MPP7: variants seen among roughly 807,000 people sequenced by gnomAD.
MPP7 encodes the protein MAGUK p55 scaffold protein 7.
In MPP7, 60 loss-of-function variants were observed where a neutral mutation model predicts 76.5. That is an observed-to-expected ratio of 0.78 (90% CI 0.64 to 0.97). The LOEUF (loss-of-function observed/expected upper bound fraction) is 0.97. MPP7 is among the 50% of genes least tolerant of loss of function. The pLI is 0.00. For missense variants in MPP7, 641 were observed against 694.0 expected, an observed-to-expected ratio of 0.92 and a Z score of 0.86; for synonymous variants, 237 against 244.5, an observed-to-expected ratio of 0.97 and a Z score of 0.29.
chr10:28,052,743 T>C lies in MPP7; in HGVS notation c.*1322A>G, dbSNP rs746632236. On this transcript the variant is annotated 3_prime_UTR_variant, in exon 17 of 17. Coordinates refer to ENST00000683449, the MANE Select transcript of MPP7 (RefSeq NM_001318170.2). ...TTACTACATTCTATTTTTTTTCACA[T>C]GACATTTAAACTCTCTTTACAAATC... 2.4e-4 allele frequency: 36 copies of C among 152,190 alleles called. No individual in the cohort carries two copies. The highest frequency in any genetic ancestry group is 4.6e-4 in the Non-Finnish European group (31 of 68,032). The allele number at this position is 152,190 out of a possible 1,614,324, so 9.4% of individuals were successfully genotyped here. A position where few individuals can be genotyped will look rare whatever the true frequency, so the allele number is the denominator to read the frequency against.
intron 12 of MPP7, among the ~76,000 whole-genome samples, chr10:28,084,219 A>G (rs1040746296): frequency 1.3e-4 from 20 of 152,252 alleles, no homozygotes; most frequent in Non-Finnish European, 2.6e-4. Flanking sequence ...TACATGAGAA[A>G]GCACAAAACT....
At chr10:28,321,401 A>T (rs1411624521) in intron 2 of MPP7, among the ~76,000 whole-genome samples, 1 of 152,070 alleles carries the variant, frequency 6.6e-6, no homozygotes, top group Non-Finnish European at 1.5e-5. Context: ...ACATCATGGG[A>T]TGGATGTTAT....
At chr10:28,124,700 G>A (rs144854143) in intron 7 of MPP7, among the ~76,000 whole-genome samples, 2 of 151,384 alleles carry the variant, frequency 1.3e-5, no homozygotes, top group African/African-American at 2.4e-5. Flanking sequence ...AGCCAGGATG[G>A]TATTGATCTC....
At chr10:28,095,112 TTTAC>T (rs531238596) in intron 11 of MPP7, among the ~76,000 whole-genome samples, 27 of 151,626 alleles carry the variant, frequency 1.8e-4, no homozygotes, top group Admixed American at 1.2e-3. Flanking sequence ...GGTCTTACTT[TTTAC>T]TTACTCCCCT....
chr10:28,192,874 T>C (rs1837454791), intron 3 of MPP7, among the ~76,000 whole-genome samples: 1 of 152,066 alleles, frequency 6.6e-6, no homozygotes, highest in Non-Finnish European at 1.5e-5. Flanking sequence ...AAACTAACTA[T>C]AAAGCTAAGG....
At position 28,147,299 on chromosome 10, in the gene MPP7, G is replaced by A. The variant is rs370320558; in HGVS notation, c.315+184C>T. ...AGCTTCCCAATAAGAGTATTTTGCA[G>A]TTTCTCATCACATTATAATCAAAAG... On this transcript the variant is annotated intron_variant, in intron 5 of 16. Transcript: ENST00000683449. Among the ~76,000 whole-genome samples, 5 of 152,298 alleles carry A rather than the reference G, an allele frequency of 3.3e-5. No individual in the cohort carries two copies. The East Asian group carries it at 7.7e-4, about 24-fold the overall frequency.
chr10:28,062,157 A>AG, intron 13 of MPP7, among the ~76,000 whole-genome samples: 1 of 152,204 alleles, frequency 6.6e-6, no homozygotes, highest in Non-Finnish European at 1.5e-5. Context: ...AAGAAAAGTT[A>AG]TAATATTGTC....
At chr10:28,091,759 T>G (rs1196088553) in intron 11 of MPP7, among the ~76,000 whole-genome samples, 1 of 152,224 alleles carries the variant, frequency 6.6e-6, no homozygotes, top group Non-Finnish European at 1.5e-5. Flanking sequence ...CTATTGAACA[T>G]GTATTGAGTG....
intron 12 of MPP7, among the ~76,000 whole-genome samples, chr10:28,084,842 A>C (rs1399907929): frequency 3.3e-5 from 5 of 152,228 alleles, no homozygotes. Flanking sequence ...GCAGTGAAAT[A>C]GTAATGACAG....
intron 2 of MPP7, among the ~76,000 whole-genome samples, chr10:28,225,702 A>AT (rs1184129996): frequency 1.3e-5 from 2 of 152,228 alleles, no homozygotes; most frequent in Non-Finnish European, 2.9e-5. Flanking sequence ...GAACCCTCAC[A>AT]TATTGCTGGT....
chr10:28,056,140 A>G (rs767193323), intron 16 of MPP7, among the ~76,000 whole-genome samples: 3 of 151,760 alleles, frequency 2.0e-5, no homozygotes, highest in Non-Finnish European at 4.4e-5. Context: ...TAGTGGTGTG[A>G]TCTCAGCTCA....
intron 12 of MPP7, among the ~76,000 whole-genome samples, chr10:28,088,391 G>A (rs1014863917): frequency 3.3e-5 from 5 of 152,082 alleles, no homozygotes; most frequent in Non-Finnish European, 7.4e-5. Flanking sequence ...ATATTCCCAC[G>A]ATAATGAGTT....
intron 3 of MPP7, among the ~76,000 whole-genome samples, chr10:28,160,565 C>T (rs1190299907): frequency 6.6e-6 from 1 of 152,164 alleles, no homozygotes; most frequent in East Asian, 1.9e-4. Context: ...AGCCTCCCCA[C>T]AAAATAGTCT....
intron 1 of MPP7, among the ~76,000 whole-genome samples, chr10:28,281,627 T>C (rs919129202): frequency 3.9e-5 from 6 of 152,206 alleles, no homozygotes; most frequent in Non-Finnish European, 7.4e-5. Flanking sequence ...TAATTAATAA[T>C]AGCAATTAGC....
chr10:28,094,182 A>G (rs928070875), intron 11 of MPP7, among the ~76,000 whole-genome samples: 2 of 152,214 alleles, frequency 1.3e-5, no homozygotes, highest in Non-Finnish European at 2.9e-5. Flanking sequence ...TAGCAACAGC[A>G]ATCAATTCAC....
chr10:28,201,444 G>C (rs1207376431), intron 3 of MPP7, among the ~76,000 whole-genome samples: 1 of 152,110 alleles, frequency 6.6e-6, no homozygotes, highest in East Asian at 1.9e-4. Flanking sequence ...CTTTCAGCTT[G>C]AGTTAGATGA....
At chr10:28,151,562 A>G (rs1835884409) in intron 3 of MPP7, among the ~76,000 whole-genome samples, 1 of 152,236 alleles carries the variant, frequency 6.6e-6, no homozygotes, top group South Asian at 2.1e-4. Context: ...TAATAAACAT[A>G]GAGACTTATT....
At chr10:28,256,239 T>C (rs878923043) in intron 1 of MPP7, among the ~76,000 whole-genome samples, 1 of 147,718 alleles carries the variant, frequency 6.8e-6, no homozygotes, top group Non-Finnish European at 1.5e-5. Context: ...ACTTTCTATA[T>C]AAAAGACCTA....
intron 1 of MPP7, among the ~76,000 whole-genome samples, chr10:28,239,970 G>T (rs1015008304): frequency 6.6e-6 from 1 of 151,780 alleles, no homozygotes; most frequent in African/African-American, 2.4e-5. Flanking sequence ...TTTAATTCAG[G>T]TAATGAGATT....
Sources: gnomAD v4.1 joint callset for allele counts (sites outside exome capture counted in the v4.1 genomes callset) on GRCh38, gnomAD v4.1.1 for gene constraint, MANE v1.5 for transcripts, NCBI Gene and HGNC (gene_info 2026-07-23, HGNC 2026-07-21) for gene names.